ARSF: variants seen among roughly 807,000 people sequenced by gnomAD.
ARSF encodes arylsulfatase F.
ARSF carries 33 observed loss-of-function variants against 35.4 expected under a neutral mutation model. The observed-to-expected ratio is 0.93, with a 90% CI of 0.71 to 1.25. The LOEUF (loss-of-function observed/expected upper bound fraction) is 1.25. Ranked by LOEUF, ARSF falls within the 50% of genes most tolerant of loss-of-function variation. The probability of loss-of-function intolerance (pLI) is 0.00; values close to 1 mark genes in which losing one functional copy is unlikely to be tolerated. For synonymous variants in ARSF, 222 were observed against 193.1 expected, an observed-to-expected ratio of 1.15 and a Z score of -1.24; for missense variants, 501 against 480.2, an observed-to-expected ratio of 1.04 and a Z score of -0.40.
intron 10 of ARSF, among the ~76,000 whole-genome samples, chrX:3,110,699 C>A (rs778525238): frequency 2.7e-5 from 3 of 111,367 alleles, no homozygotes; most frequent in Non-Finnish European, 5.6e-5. Flanking sequence ...GAATTTGAGA[C>A]CAGCCTGGCA....
At chrX:3,054,540 A>G (rs192838431) in intron 1 of ARSF, among the ~76,000 whole-genome samples, 51 of 110,314 alleles carry the variant, frequency 4.6e-4, no homozygotes, top group African/African-American at 1.7e-3. Context: ...CTTGTCTCAA[A>G]CCATCGTCTT....
At chrX:3,043,438 G>A (rs1288347399) in intron 1 of ARSF, among the ~76,000 whole-genome samples, 2 of 112,104 alleles carry the variant, frequency 1.8e-5, no homozygotes, top group African/African-American at 6.5e-5. Flanking sequence ...TGCAAAAGGA[G>A]ATCATTGGTT....
chrX:3,088,537 G>A (rs773659460), intron 6 of ARSF, among the ~76,000 whole-genome samples: 1 of 102,581 alleles, frequency 9.7e-6, no homozygotes, highest in Admixed American at 1.1e-4. Context: ...CAATTAGTGC[G>A]AACATGAGAG....
chrX:3,078,365 C>T (rs1230338648), intron 4 of ARSF, among the ~76,000 whole-genome samples: 1 of 109,907 alleles, frequency 9.1e-6, no homozygotes, highest in African/African-American at 3.3e-5. Flanking sequence ...AATTTTTTAA[C>T]TACTTAGGGT....
intron 3 of ARSF, among the ~76,000 whole-genome samples, chrX:3,075,982 T>C (rs991234785): frequency 3.5e-4 from 17 of 48,405 alleles, no homozygotes; most frequent in African/African-American, 1.2e-3. Context: ...TCCCTCCATC[T>C]GTCTCTTTTT....
chrX:3,092,771 C>G (rs1437621971), intron 7 of ARSF, among the ~76,000 whole-genome samples: 1 of 112,113 alleles, frequency 8.9e-6, no homozygotes, highest in East Asian at 2.8e-4. Flanking sequence ...AATTATTTAT[C>G]CCAGAAGCTG....
At chrX:3,054,207 C>A (rs1435380498) in intron 1 of ARSF, among the ~76,000 whole-genome samples, 2 of 111,201 alleles carry the variant, frequency 1.8e-5, no homozygotes, top group Non-Finnish European at 3.8e-5. Context: ...ACTGGATGGA[C>A]CTTGGTCATA....
intron 4 of ARSF, among the ~76,000 whole-genome samples, chrX:3,079,523 T>C (rs1430613609): frequency 1.8e-5 from 2 of 109,227 alleles, no homozygotes; most frequent in Non-Finnish European, 3.8e-5. Context: ...TTTGTATTTT[T>C]AGTAGAGACG....
chrX:3,092,275 C>G (rs925583551), intron 7 of ARSF, among the ~76,000 whole-genome samples: 1 of 111,281 alleles, frequency 9.0e-6, no homozygotes, highest in African/African-American at 3.3e-5. Context: ...CAGCACTAGT[C>G]CTTAAAGTTT....
chrX:3,051,676 C>T, intron 1 of ARSF, among the ~76,000 whole-genome samples: 1 of 111,611 alleles, frequency 9.0e-6, no homozygotes, highest in East Asian at 2.8e-4. Context: ...AGATGGTGTA[C>T]ACTTTCCTTT....
intron 1 of ARSF, among the ~76,000 whole-genome samples, chrX:3,054,076 T>C (rs955180946): frequency 1.8e-5 from 2 of 111,138 alleles, no homozygotes; most frequent in Non-Finnish European, 3.8e-5. Context: ...TACTGGACTT[T>C]TTTTCGGAGA....
At chrX:3,081,386 G>C (rs1196285623) in intron 5 of ARSF, among the ~76,000 whole-genome samples, 1 of 111,734 alleles carries the variant, frequency 8.9e-6, no homozygotes, top group Non-Finnish European at 1.9e-5. Context: ...ACCCAGGCTG[G>C]AGCACAGTGG....
chrX:3,097,422 TAA>T (rs2090344629), intron 7 of ARSF, among the ~76,000 whole-genome samples: 1 of 112,004 alleles, frequency 8.9e-6, no homozygotes, highest in Non-Finnish European at 1.9e-5. Context: ...GCTTGACAAA[TAA>T]AGAGTTCTTA....
chrX:3,069,566 C>G (rs1014008841), intron 2 of ARSF, among the ~76,000 whole-genome samples: 1 of 111,088 alleles, frequency 9.0e-6, no homozygotes, highest in Non-Finnish European at 1.9e-5. Flanking sequence ...CCTGCCTCAG[C>G]CCCCCAAAGA....
chrX:3,109,126 CCTGA>C (rs1298718322), intron 9 of ARSF, among the ~76,000 whole-genome samples: 1 of 111,351 alleles, frequency 9.0e-6, no homozygotes, highest in Non-Finnish European at 1.9e-5. Flanking sequence ...TCAAGACCAG[CCTGA>C]CTGACATGGA....
In ARSF at chrX:3,072,154, G is replaced by T; in HGVS notation, c.140G>T (p.Cys47Phe). ...GACCTGGGTATTGGAGATCTGGGCT[G>T]CTACGGCAATGACACCATGAGGTAA... Reference protein sequence around the residue: ...VDDLGIGDLGCYGNDTMRTPH... With the variant: ...VDDLGIGDLGFYGNDTMRTPH... Residue 47 changes from cysteine to phenylalanine, a missense_variant, in exon 3 of 11, where the codon TGC (cysteine) becomes TTC (phenylalanine). Cys to Phe is a radical substitution (Grantham distance 205). Coordinates refer to ENST00000381127, the MANE Select transcript of ARSF (RefSeq NM_001201539.2). 8.3e-7 allele frequency: 1 copy of T among 1,211,107 alleles called. No individual in the cohort carries two copies. Among genetic ancestry groups the T allele is most frequent in the Non-Finnish European group, 1.1e-6 (1 of 895,077 alleles).
At chrX:3,076,416 C>A (rs1342578592) in intron 3 of ARSF, 132 bp from the exon 4 acceptor site, 2 of 727,587 alleles carry the variant, frequency 2.7e-6, no homozygotes, top group Admixed American at 6.5e-5. Context: ...CTCTCCCTGT[C>A]TGTCTCTCCT....
chrX:3,078,934 T>C (rs1243370241), intron 4 of ARSF, among the ~76,000 whole-genome samples: 1 of 110,328 alleles, frequency 9.1e-6, no homozygotes, highest in East Asian at 2.8e-4. Context: ...AAGCAATCAC[T>C]CCCCATTCCC....
intron 1 of ARSF, among the ~76,000 whole-genome samples, chrX:3,051,207 C>A (rs138631610): frequency 1.6e-3 from 181 of 111,424 alleles, no homozygotes; most frequent in African/African-American, 5.7e-3. Context: ...TGAAGTGTGT[C>A]ACCTTTCCTG....
Sources: gnomAD v4.1 joint callset for allele counts (sites outside exome capture counted in the v4.1 genomes callset) on GRCh38, gnomAD v4.1.1 for gene constraint, MANE v1.5 for transcripts, NCBI Gene and HGNC (gene_info 2026-07-23, HGNC 2026-07-21) for gene names.